The following RYR1 variants were observed in gnomAD, a reference collection of about 807,000 sequenced individuals.
RYR1 encodes central core disease of muscle.
A neutral mutation model predicts 583.5 loss-of-function variants in RYR1; 342 were observed. The ratio of observed to expected loss-of-function variants is 0.59; its 90% CI spans 0.54 to 0.64. The LOEUF is 0.64. RYR1 is among the 30% of genes least tolerant of loss of function. RYR1 has a pLI of 0.00. For synonymous variants in RYR1, 2,791 were observed against 2,822.5 expected (o/e 0.99, Z 0.35); for missense variants, 6,032 against 6,917.2 (o/e 0.87, Z 4.54).
At chr19:38,491,591 G>A (rs370494572) in intron 37 of RYR1, among the ~76,000 whole-genome samples, 2 of 152,106 alleles carry the variant, frequency 1.3e-5, no homozygotes, top group African/African-American at 4.8e-5. Context: ...ACCACGCCTG[G>A]CTAATTTTTT....
intron 93 of RYR1, among the ~76,000 whole-genome samples, chr19:38,570,085 C>T (rs1473038071): frequency 1.3e-5 from 2 of 152,094 alleles, no homozygotes; most frequent in African/African-American, 4.8e-5. Flanking sequence ...AATTTGAACC[C>T]GGTAGGCAGA....
At chr19:38,505,195 C>T (rs746916569) in intron 52 of RYR1, 114 bp downstream of exon 52, 51 of 1,198,212 alleles carry the variant, frequency 4.3e-5, no homozygotes, top group East Asian at 1.5e-4. Context: ...TTCCCTAAGA[C>T]CCTTAGCTTG....
At chr19:38,503,380 CTT>C (rs1428567725) in intron 49 of RYR1, among the ~76,000 whole-genome samples, 2 of 152,020 alleles carry the variant, frequency 1.3e-5, no homozygotes, top group Admixed American at 6.6e-5. Flanking sequence ...CACTGTCTCT[CTT>C]ATTTTTTCAT....
intron 31 of RYR1, among the ~76,000 whole-genome samples, chr19:38,482,694 C>T (rs2860822): frequency 6.6e-6 from 1 of 152,108 alleles, no homozygotes; most frequent in Non-Finnish European, 1.5e-5. Flanking sequence ...AGGTGACCCT[C>T]CCACTTCAGC....
At chr19:38,531,830 G>C (rs967149609) in intron 76 of RYR1, among the ~76,000 whole-genome samples, 1 of 152,182 alleles carries the variant, frequency 6.6e-6, no homozygotes, top group African/African-American at 2.4e-5. Flanking sequence ...ACTTGAGCCT[G>C]GGAGGTTGAG....
intron 31 of RYR1, among the ~76,000 whole-genome samples, chr19:38,481,578 G>A (rs73541002): frequency 0.21 from 31,678 of 152,036 alleles, 4,504 homozygotes; most frequent in African/African-American, 0.4. Context: ...TTTGTCCTGT[G>A]GCACTTTGCT....
chr19:38,550,942 C>T (rs947181957), intron 89 of RYR1, among the ~76,000 whole-genome samples: 2 of 146,908 alleles, frequency 1.4e-5, no homozygotes, highest in Admixed American at 6.9e-5. Context: ...CACCATTTTA[C>T]TGTAAGAAAG....
intron 93 of RYR1, among the ~76,000 whole-genome samples, chr19:38,569,223 A>G (rs111397327): frequency 0.083 from 12,569 of 152,122 alleles, 624 homozygotes; most frequent in African/African-American, 0.14. Context: ...TGTTAGCCAG[A>G]ATGGCCTAGA....
At chr19:38,568,789 GA>G in intron 93 of RYR1, among the ~76,000 whole-genome samples, 1 of 150,668 alleles carries the variant, frequency 6.6e-6, no homozygotes, top group East Asian at 2.0e-4. Context: ...GGCGGTGAGG[GA>G]ATCATGTGGA....
Position 38,496,119 on chromosome 19 carries a change from TG to T in RYR1, c.6549-95del, listed in dbSNP as rs1600807176. 1.0e-6 allele frequency: 1 copy of T among 999,906 alleles called. No individual in the cohort carries two copies. The allele number at this position is 999,906 out of a possible 1,614,324, so 61.9% of individuals were successfully genotyped here. A position where few individuals can be genotyped will look rare whatever the true frequency, so the allele number is the denominator to read the frequency against. ...AAAGGCGGTGGTGCTAGGCACAGAG[TG>T]AGAGGGTCAAGAATGCCAACGCTGT... On this transcript the variant is annotated intron_variant, in intron 39 of 105. Coordinates refer to ENST00000359596, the MANE Select transcript of RYR1 (RefSeq NM_000540.3). This position sits in a 1 kb window ranked among gnomAD's most constrained non-coding sequence, Gnocchi z 4.8.
intron 38 of RYR1, 151 bp from the exon 39 acceptor site, chr19:38,494,201 T>A: frequency 1.2e-6 from 1 of 817,872 alleles, no homozygotes; most frequent in Non-Finnish European, 2.0e-6. Context: ...TCTGCTAGAA[T>A]CTGCCTGCTC....
chr19:38,486,102 G>C lies in RYR1; in HGVS notation c.5447G>C (p.Gly1816Ala). 1 of 1,612,914 alleles carries C rather than the reference G, an allele frequency of 6.2e-7. No homozygotes were observed. The highest frequency in any genetic ancestry group is 8.5e-7 in the Non-Finnish European group (1 of 1,179,684). The change falls in exon 34 of 106, where the codon GGG becomes GCG. Residue 1816 changes from glycine to alanine, a missense_variant. By Grantham distance (60) the Gly-to-Ala change is moderately conservative. This residue lies in a region of RYR1 where 2,627 missense variants were observed against 2,961.3 expected (regional missense o/e 0.89). Coordinates refer to ENST00000359596, the MANE Select transcript of RYR1 (RefSeq NM_000540.3). Reference protein sequence around the residue: ...ALRDKALRMLGEAVRDGGQHA... With the variant: ...ALRDKALRMLAEAVRDGGQHA... Reference sequence around the variant, plus strand: ...CGGGACAAGGCACTGAGGATGCTGGGGGAGGCGGTGCGCGACGGTGGGCAG... The same window carrying C: ...CGGGACAAGGCACTGAGGATGCTGGCGGAGGCGGTGCGCGACGGTGGGCAG...
chr19:38,497,507 A>G (rs913584658), intron 42 of RYR1, among the ~76,000 whole-genome samples: 3 of 152,230 alleles, frequency 2.0e-5, no homozygotes, highest in African/African-American at 7.2e-5. Flanking sequence ...CATCTGTACA[A>G]TGAATGTAGT....
At chr19:38,538,090 C>G in intron 84 of RYR1, 130 bp downstream of exon 84, 1 of 848,600 alleles carries the variant, frequency 1.2e-6, no homozygotes, top group South Asian at 1.4e-5. Flanking sequence ...AGTGTCAATC[C>G]ACCTAGCTTT....
chr19:38,570,130 G>A (rs563632116), intron 93 of RYR1, among the ~76,000 whole-genome samples: 17 of 151,070 alleles, frequency 1.1e-4, no homozygotes, highest in East Asian at 2.0e-4. Context: ...CACTGCATTC[G>A]AGCCTGGGTG....
rs1971493997 is a variant in RYR1 at position 38,526,983 on chromosome 19, G to C, written c.10627-10G>C. The C allele has an allele frequency of 6.2e-7, 1 of 1,613,752 alleles. No homozygotes were observed. The highest frequency in any genetic ancestry group is 1.7e-5 in the Admixed American group (1 of 60,008). On this transcript the variant is annotated splice_polypyrimidine_tract_variant and intron_variant, in intron 71 of 105. Transcript: ENST00000359596. ...CTCCAGAGTGACCCAGCCTGGCTCT[G>C]TCTCCCCAGAAAGACACAGATGAGG...
At chr19:38,436,749 C>T (rs1186501700) in intron 1 of RYR1, among the ~76,000 whole-genome samples, 1 of 152,094 alleles carries the variant, frequency 6.6e-6, no homozygotes, top group East Asian at 1.9e-4. Flanking sequence ...ATGTAGATGG[C>T]CCCTGAAGCA....
chr19:38,510,716 C>T lies in RYR1; in HGVS notation c.9057C>T (p.Ser3019=), dbSNP rs1194481197. The T allele has an allele frequency of 1.2e-6, 2 of 1,614,188 alleles. No homozygotes were observed. The highest frequency in any genetic ancestry group is 2.7e-5 in the African/African-American group (2 of 75,042). Residue 3019 remains serine (S), a synonymous_variant, in exon 60 of 106, where the codon TCC becomes TCT. Coordinates refer to ENST00000359596, the MANE Select transcript of RYR1 (RefSeq NM_000540.3). Reference sequence around the variant, plus strand: ...CCAACCACTGCCTCTATTTCTTGTCCACTCCGGCTAAAGTGCTGGGCAGCG... The same window carrying T: ...CCAACCACTGCCTCTATTTCTTGTCTACTCCGGCTAAAGTGCTGGGCAGCG... ...YFTNHCLYFL[S]TPAKVLGSGG...
At chr19:38,528,133 G>T (rs1397435267) in intron 73 of RYR1, 173 bp from the exon 74 acceptor site, 1 of 681,060 alleles carries the variant, frequency 1.5e-6, no homozygotes, top group Non-Finnish European at 2.6e-6. Flanking sequence ...TGGAAACTTA[G>T]GTCTGGAGGC....
Sources: gnomAD v4.1 joint callset for allele counts (sites outside exome capture counted in the v4.1 genomes callset) on GRCh38, gnomAD v4.1.1 for gene constraint, gnomAD v4.1.1 regional missense constraint, Gnocchi (gnomAD v3.1) non-coding constraint, MANE v1.5 for transcripts, NCBI Gene and HGNC (gene_info 2026-07-23, HGNC 2026-07-21) for gene names.